Variants in AFAP1 observed in about 807,000 individuals in gnomAD.
AFAP1 encodes the protein actin filament associated protein 1, also known as actin filament-associated protein 1.
Under a neutral mutation model 93.9 loss-of-function variants are expected in AFAP1, and 75 were observed. That is an observed-to-expected ratio of 0.80 (90% CI 0.66 to 0.97). The LOEUF is 0.97. Among genes scored for constraint, AFAP1 ranks in the 50% least tolerant of loss-of-function variants. The pLI, the probability that AFAP1 is intolerant of heterozygous loss-of-function variation, is 0.00. For missense variants in AFAP1, 1,201 were observed against 1,050.8 expected, an observed-to-expected ratio of 1.14 and a Z score of -1.98; for synonymous variants, 517 against 430.7, an observed-to-expected ratio of 1.20 and a Z score of -2.48.
At chr4:7,849,612 C>G (rs192539106) in intron 4 of AFAP1, among the ~76,000 whole-genome samples, 1 of 152,266 alleles carries the variant, frequency 6.6e-6, no homozygotes, top group Non-Finnish European at 1.5e-5. Context: ...GCTGCTCTTT[C>G]AGGTCTCAAT....
Position 7,763,874 on chromosome 4 carries a change from A to G in AFAP1, c.2419-83T>C, listed in dbSNP as rs369400443. The G allele has an allele frequency of 7.6e-4, 1,081 of 1,418,018 alleles. 4 individuals carry two copies. The highest frequency in any genetic ancestry group is 1.7e-3 in the Admixed American group (86 of 50,740). 87.8% of individuals were successfully genotyped at this position (1,418,018 alleles called of 1,614,324 possible). ...CCACGCCACCATCCACATTCAACTCAGAGGGGGTGGGTGCTCGGCTACTGC... is the reference window on the plus strand; with the variant it reads ...CCACGCCACCATCCACATTCAACTCGGAGGGGGTGGGTGCTCGGCTACTGC... On this transcript the variant is annotated intron_variant, in intron 17 of 17. Transcript: ENST00000420658.
intron 6 of AFAP1, among the ~76,000 whole-genome samples, chr4:7,821,675 A>C (rs1411605118): frequency 6.6e-6 from 1 of 152,180 alleles, no homozygotes; most frequent in Non-Finnish European, 1.5e-5. Flanking sequence ...GTTAAACTCA[A>C]GCTTCTTCTG....
At chr4:7,843,666 G>C (rs750214230) in intron 4 of AFAP1, 2 of 283,622 alleles carry the variant, frequency 7.1e-6, no homozygotes, top group East Asian at 9.1e-5. Context: ...CAGGACGAGC[G>C]CCATCCTCAT....
chr4:7,788,666 T>C (rs1039886130), intron 11 of AFAP1: 2 of 152,206 alleles, frequency 1.3e-5, no homozygotes, highest in Non-Finnish European at 2.9e-5. Flanking sequence ...TTTTAAAAAA[T>C]ACATATTTAA....
chr4:7,923,717 G>A (rs753823110), intron 1 of AFAP1, among the ~76,000 whole-genome samples: 4 of 152,046 alleles, frequency 2.6e-5, no homozygotes, highest in African/African-American at 7.2e-5. Context: ...TGCCCATCTC[G>A]GCCTCCCAAA....
At chr4:7,905,672 TG>T (rs1192050660) in intron 1 of AFAP1, among the ~76,000 whole-genome samples, 2 of 152,210 alleles carry the variant, frequency 1.3e-5, no homozygotes, top group Admixed American at 1.3e-4. Context: ...ACTGACTGCA[TG>T]TCTGCTGCAG....
intron 12 of AFAP1, among the ~76,000 whole-genome samples, chr4:7,784,852 G>T (rs957084052): frequency 1.3e-5 from 2 of 152,194 alleles, no homozygotes; most frequent in African/African-American, 4.8e-5. Flanking sequence ...CTGCTGTGGG[G>T]CAGCTATGAA....
chr4:7,777,163 C>T (rs1046171701), intron 14 of AFAP1: 1 of 152,210 alleles, frequency 6.6e-6, no homozygotes, highest in Non-Finnish European at 1.5e-5. Flanking sequence ...GTGAGCTGCT[C>T]CTCTCCCCCA....
At chr4:7,889,943 G>C (rs28754920) in intron 1 of AFAP1, among the ~76,000 whole-genome samples, 16,760 of 141,058 alleles carry the variant, frequency 0.12, 1,132 homozygotes, top group Non-Finnish European at 0.16. Flanking sequence ...TAATAACTCT[G>C]CCCCAAATCC....
chr4:7,923,879 G>C (rs1720569828), intron 1 of AFAP1, among the ~76,000 whole-genome samples: 2 of 152,154 alleles, frequency 1.3e-5, no homozygotes, highest in South Asian at 2.1e-4. Context: ...TCACACTGGG[G>C]GTGAGGGCTC....
intron 4 of AFAP1, among the ~76,000 whole-genome samples, chr4:7,855,121 A>C (rs900375580): frequency 6.6e-6 from 1 of 152,268 alleles, no homozygotes; most frequent in Non-Finnish European, 1.5e-5. Flanking sequence ...GTGCAGCCCA[A>C]GAGCATCAAA....
At chr4:7,829,246 C>A (rs1186536029) in intron 6 of AFAP1, among the ~76,000 whole-genome samples, 1 of 152,152 alleles carries the variant, frequency 6.6e-6, no homozygotes, top group African/African-American at 2.4e-5. Flanking sequence ...CACTATCTCT[C>A]CACACAATAC....
intron 9 of AFAP1, among the ~76,000 whole-genome samples, chr4:7,801,914 C>CAAAAAAAAAAAAAAAAAAAA (rs531684652): frequency 2.1e-4 from 14 of 65,198 alleles, no homozygotes; most frequent in East Asian, 9.3e-4. Flanking sequence ...GACCCTATCA[C>CAAAAAAAAAAAAAAAAAAAA]AAAAAAAAAA....
At chr4:7,899,439 A>C (rs1718991823) in intron 1 of AFAP1, among the ~76,000 whole-genome samples, 1 of 152,202 alleles carries the variant, frequency 6.6e-6, no homozygotes, top group African/African-American at 2.4e-5. Context: ...CTGGTATGCA[A>C]ATTATATTTT....
At chr4:7,861,371 T>C (rs1316652439) in intron 3 of AFAP1, among the ~76,000 whole-genome samples, 1 of 152,178 alleles carries the variant, frequency 6.6e-6, no homozygotes, top group East Asian at 1.9e-4. Flanking sequence ...CTGAGGATAA[T>C]AAAATTTTAT....
chr4:7,763,098 A>C lies in AFAP1; in HGVS notation c.*667T>G, dbSNP rs1300964678. 1.3e-5 allele frequency: 2 copies of C among 152,620 alleles called. No homozygotes were observed. The highest frequency in any genetic ancestry group is 4.8e-5 in the African/African-American group (2 of 41,458). The allele number at this position is 152,620 out of a possible 1,614,324, so 9.5% of individuals were successfully genotyped here. Reference sequence around the variant, plus strand: ...ACACACAGTAAAAAGACATTCCTAAAAAACAGGTTAAGAAGAATGGCAGCT... The same window carrying C: ...ACACACAGTAAAAAGACATTCCTAACAAACAGGTTAAGAAGAATGGCAGCT... On this transcript the variant is annotated 3_prime_UTR_variant, in exon 18 of 18. Coordinates refer to ENST00000420658, the MANE Select transcript of AFAP1 (RefSeq NM_001134647.2).
chr4:7,871,943 G>A lies in AFAP1; in HGVS notation c.127+9C>T. ...AAGAAGGAAAAGCAGGCGTCAGAAT[G>A]AGACTCACCTTTGGATGACTGTATT... On this transcript the variant is annotated intron_variant, in intron 2 of 17. Coordinates refer to ENST00000420658, the MANE Select transcript of AFAP1 (RefSeq NM_001134647.2). The A allele has an allele frequency of 6.2e-7, 1 of 1,614,066 alleles. No individual in the cohort carries two copies. Among genetic ancestry groups the A allele is most frequent in the Non-Finnish European group, 8.5e-7 (1 of 1,180,012 alleles).
intron 6 of AFAP1, among the ~76,000 whole-genome samples, chr4:7,819,687 A>T (rs1394359036): frequency 6.6e-6 from 1 of 152,198 alleles, no homozygotes; most frequent in East Asian, 1.9e-4. Context: ...CGGAGTGCAA[A>T]CTGGCAGGAC....
At chr4:7,877,285 G>A (rs913252537) in intron 1 of AFAP1, among the ~76,000 whole-genome samples, 1 of 151,688 alleles carries the variant, frequency 6.6e-6, no homozygotes, top group Non-Finnish European at 1.5e-5. Flanking sequence ...CTCACAACGG[G>A]TCCTGTGAAA....
Sources: allele counts gnomAD v4.1 joint callset (sites outside exome capture counted in the v4.1 genomes callset), GRCh38; gene constraint gnomAD v4.1.1; transcripts MANE v1.5; gene names NCBI Gene and HGNC (gene_info 2026-07-23, HGNC 2026-07-21).